The following TENM3 variants were observed in gnomAD, a reference collection of about 807,000 sequenced individuals.
The protein encoded by TENM3 is teneurin-3.
Under a neutral mutation model 255.1 loss-of-function variants are expected in TENM3, and 63 were observed. The ratio of observed to expected loss-of-function variants is 0.25; its 90% CI spans 0.20 to 0.30. The LOEUF (loss-of-function observed/expected upper bound fraction) is 0.30. Among genes scored for constraint, TENM3 ranks in the 10% least tolerant of loss-of-function variants. The probability of loss-of-function intolerance (pLI) is 1.00; values close to 1 mark genes in which losing one functional copy is unlikely to be tolerated. For synonymous variants in TENM3, 1,306 were observed against 1,322.3 expected (o/e 0.99, Z 0.27); for missense variants, 2,929 against 3,461.1 (o/e 0.85, Z 3.86).
At chr4:181,901,120 C>G in the TENM3 span, among the ~76,000 whole-genome samples, 6 of 152,118 alleles carry the variant, frequency 3.9e-5, no homozygotes, top group Non-Finnish European at 8.8e-5. Context: ...AAAATCATAG[C>G]CCTTCTATAA....
chr4:182,250,198 G>A (rs376763803), intron 1 of TENM3, among the ~76,000 whole-genome samples: 13 of 151,546 alleles, frequency 8.6e-5, no homozygotes, highest in South Asian at 2.1e-4. Context: ...GACCACAGGC[G>A]CCCGCCACCA....
chr4:181,656,573 C>A, the TENM3 span, among the ~76,000 whole-genome samples: 1 of 151,906 alleles, frequency 6.6e-6, no homozygotes, highest in Non-Finnish European at 1.5e-5. Flanking sequence ...GGTCTGAGTT[C>A]GGTTTTGAAA....
rs79028815 is a variant in TENM3, at chr4:182,283,178, T to C, written c.-76+39702T>C. Among the ~76,000 whole-genome samples the C allele has an allele frequency of 4.5e-3, 693 of 152,312 alleles. 6 individuals are homozygous for C. The highest frequency in any genetic ancestry group is 0.016 in the African/African-American group (656 of 41,558). ...CTGCTCCTTTTTCCTTTTAAACGTT[T>C]ATGTTTAATTGTGTAATAATTACAT... On this transcript the variant is annotated intron_variant, in intron 1 of 27. Transcript: ENST00000511685.
the TENM3 span, among the ~76,000 whole-genome samples, chr4:182,115,075 G>C: frequency 6.6e-6 from 1 of 152,140 alleles, no homozygotes; most frequent in African/African-American, 2.4e-5. Flanking sequence ...CAGCTACTCA[G>C]GAGGCTGAGG....
chr4:182,735,838 A>G (rs1297321212), intron 16 of TENM3, among the ~76,000 whole-genome samples: 1 of 152,186 alleles, frequency 6.6e-6, no homozygotes, highest in Non-Finnish European at 1.5e-5. Context: ...AAAATAAGTA[A>G]TGTTTTGGCA....
At chr4:182,000,111 T>A in the TENM3 span, among the ~76,000 whole-genome samples, 1 of 152,160 alleles carries the variant, frequency 6.6e-6, no homozygotes, top group South Asian at 2.1e-4. Flanking sequence ...TATCAACTGG[T>A]TTTATTGTTT....
the TENM3 span, among the ~76,000 whole-genome samples, chr4:181,647,142 T>C: frequency 7.2e-5 from 11 of 152,198 alleles, no homozygotes; most frequent in East Asian, 2.1e-3. Context: ...GAAGAGAAAA[T>C]ATGATAAAAG....
chr4:181,641,805 C>CATATATATATATAT, the TENM3 span, among the ~76,000 whole-genome samples: 2 of 31,438 alleles, frequency 6.4e-5, no homozygotes, highest in African/African-American at 1.3e-4. Context: ...ACACACACAC[C>CATATATATATATAT]ATATATATAT....
chr4:181,525,682 G>T, the TENM3 span, among the ~76,000 whole-genome samples: 7 of 152,058 alleles, frequency 4.6e-5, no homozygotes, highest in Admixed American at 2.6e-4. Context: ...TGTTTCTATT[G>T]TATAGACATT....
At chr4:182,316,656 A>G (rs1309497899) in intron 1 of TENM3, among the ~76,000 whole-genome samples, 1 of 152,124 alleles carries the variant, frequency 6.6e-6, no homozygotes, top group Admixed American at 6.6e-5. Flanking sequence ...ATACCCTGAT[A>G]CAGTCCTTTC....
chr4:182,573,535 G>A (rs12647700), intron 3 of TENM3, among the ~76,000 whole-genome samples: 30,368 of 151,912 alleles, frequency 0.2, 3,179 homozygotes, highest in Middle Eastern at 0.25. Context: ...AAAGAAGCAG[G>A]GGTATTATTA....
intron 3 of TENM3, among the ~76,000 whole-genome samples, chr4:182,571,555 C>CA (rs1744375364): frequency 6.6e-6 from 1 of 152,200 alleles, no homozygotes; most frequent in African/African-American, 2.4e-5. Context: ...CCACAACACA[C>CA]ACGCACAAAT....
At chr4:182,695,548 C>A (rs1412566492) in intron 12 of TENM3, among the ~76,000 whole-genome samples, 2 of 152,100 alleles carry the variant, frequency 1.3e-5, no homozygotes, top group Non-Finnish European at 1.5e-5. Flanking sequence ...GGTGTGAAAT[C>A]ACTTCTCTCT....
chr4:181,905,101 T>G, the TENM3 span, among the ~76,000 whole-genome samples: 1 of 152,218 alleles, frequency 6.6e-6, no homozygotes, highest in African/African-American at 2.4e-5. Flanking sequence ...TTGCCCGGTC[T>G]CAGATATGTC....
the TENM3 span, among the ~76,000 whole-genome samples, chr4:181,969,010 GTGTGTGTGTATGCCTC>G: frequency 6.3e-4 from 86 of 136,500 alleles, 1 homozygote; most frequent in African/African-American, 2.2e-3. Context: ...ATATATATGT[GTGTGTGTGTATGCCTC>G]TGTGTGTGTA....
intron 3 of TENM3, among the ~76,000 whole-genome samples, chr4:182,363,399 G>A (rs1296478297): frequency 6.6e-6 from 1 of 151,432 alleles, no homozygotes; most frequent in East Asian, 1.9e-4. Flanking sequence ...ATATGTATAT[G>A]TATATATTCA....
At chr4:181,923,222 G>A in the TENM3 span, among the ~76,000 whole-genome samples, 13 of 152,124 alleles carry the variant, frequency 8.5e-5, no homozygotes, top group Non-Finnish European at 1.6e-4. Flanking sequence ...TTGATTTGGG[G>A]TGGAGAGTTC....
chr4:181,633,391 T>G, the TENM3 span, among the ~76,000 whole-genome samples: 1 of 152,166 alleles, frequency 6.6e-6, no homozygotes, highest in Non-Finnish European at 1.5e-5. Flanking sequence ...AGAGGACTTG[T>G]ATATTTGGGT....
At chr4:181,853,819 G>A in the TENM3 span, among the ~76,000 whole-genome samples, 1 of 152,346 alleles carries the variant, frequency 6.6e-6, no homozygotes, top group East Asian at 1.9e-4. Flanking sequence ...GCATGCTGTA[G>A]TAGCCCTTTC....
Sources: gnomAD v4.1 joint callset for allele counts (sites outside exome capture counted in the v4.1 genomes callset) on GRCh38, gnomAD v4.1.1 for gene constraint, MANE v1.5 for transcripts, NCBI Gene and HGNC (gene_info 2026-07-23, HGNC 2026-07-21) for gene names.